The following RBMXL1 variants were observed in gnomAD, a reference collection of about 807,000 sequenced individuals.
RBMXL1 encodes RBMX like 1.
A neutral mutation model predicts 29.0 loss-of-function variants in RBMXL1; 18 were observed. That is an observed-to-expected ratio of 0.62 (90% CI 0.43 to 0.92). The LOEUF (loss-of-function observed/expected upper bound fraction) is 0.92, where lower values mean the gene tolerates loss of function less well. Ranked by LOEUF, RBMXL1 falls within the 40% of genes least tolerant of loss-of-function variation. RBMXL1 has a pLI of 0.00. For synonymous variants in RBMXL1, 141 were observed against 170.4 expected, an observed-to-expected ratio of 0.83 and a Z score of 1.34; for missense variants, 403 against 495.8, an observed-to-expected ratio of 0.81 and a Z score of 1.78.
intron 2 of RBMXL1, among the ~76,000 whole-genome samples, chr1:88,984,480 G>C (rs552819382): frequency 6.6e-6 from 1 of 152,312 alleles, no homozygotes; most frequent in African/African-American, 2.4e-5. Context: ...CCAGTGTTGG[G>C]ATTATAAGGG....
chr1:88,989,445 G>T (rs184181829), intron 1 of RBMXL1, among the ~76,000 whole-genome samples: 1 of 152,152 alleles, frequency 6.6e-6, no homozygotes, highest in East Asian at 1.9e-4. Context: ...TTCACAATAG[G>T]TGAATAAATT....
At position 88,980,772 on chromosome 1, in the gene RBMXL1, AAAGGTCCTCACAG is replaced by A. The variant is rs1217809795; in HGVS notation, c.*1869_*1881del. 1 of 152,184 alleles carries A rather than the reference AAAGGTCCTCACAG, an allele frequency of 6.6e-6. No individual in the cohort carries two copies. Among genetic ancestry groups the A allele is most frequent in the East Asian group, 1.9e-4 (1 of 5,200 alleles). 9.4% of individuals were successfully genotyped at this position (152,184 alleles called of 1,614,324 possible). On this transcript the variant is annotated 3_prime_UTR_variant, in exon 3 of 3. Transcript: ENST00000652648. Reference sequence around the variant, plus strand: ...AATATTTAGGATATCTTAAGAGCCAAAAGGTCCTCACAGAAGCTTTAACCCAAGTAATCATAAG... The same window carrying A: ...AATATTTAGGATATCTTAAGAGCCAAAAGCTTTAACCCAAGTAATCATAAG...
At chr1:88,988,612 T>TA (rs958097604) in intron 1 of RBMXL1, among the ~76,000 whole-genome samples, 1 of 152,140 alleles carries the variant, frequency 6.6e-6, no homozygotes, top group Non-Finnish European at 1.5e-5. Flanking sequence ...TATTCTTAAT[T>TA]AAAAAAATAA....
At position 88,980,857 on chromosome 1, in the gene RBMXL1, C is replaced by T. The variant is rs138132059; in HGVS notation, c.*1797G>A. On this transcript the variant is annotated 3_prime_UTR_variant, in exon 3 of 3. Transcript: ENST00000652648. ...GACAACTATGGAAGTGTAACAACCA[C>T]ATAAATTTGGTCATTACCCTTGTGG... is the stretch of plus-strand genomic sequence containing the variant. The T allele has an allele frequency of 1.4e-4, 22 of 152,292 alleles. No individual in the cohort carries two copies. The highest frequency in any genetic ancestry group is 5.1e-4 in the African/African-American group (21 of 41,548). 9.4% of individuals were successfully genotyped at this position (152,292 alleles called of 1,614,324 possible). A position where few individuals can be genotyped will look rare whatever the true frequency, so the allele number is the denominator to read the frequency against.
chr1:88,990,613 G>T (rs574154378), intron 1 of RBMXL1, among the ~76,000 whole-genome samples: 1 of 151,992 alleles, frequency 6.6e-6, no homozygotes, highest in South Asian at 2.1e-4. Flanking sequence ...CCCACAATCC[G>T]CCATTGAATG....
chr1:88,991,474 C>T (rs148354254), intron 1 of RBMXL1, among the ~76,000 whole-genome samples: 129 of 152,352 alleles, frequency 8.5e-4, no homozygotes, highest in Non-Finnish European at 1.6e-3. Context: ...ATTTTCCTTT[C>T]ACACTCTACC....
chr1:88,989,637 CTAA>C (rs1488830026), intron 1 of RBMXL1, among the ~76,000 whole-genome samples: 1 of 152,088 alleles, frequency 6.6e-6, no homozygotes, highest in Non-Finnish European at 1.5e-5. Context: ...AGGTAATGTG[CTAA>C]TAATAAAAGC....
chr1:88,992,362 G>T (rs964212392), intron 1 of RBMXL1, among the ~76,000 whole-genome samples: 5 of 152,248 alleles, frequency 3.3e-5, no homozygotes, highest in Admixed American at 3.3e-4. Context: ...CGCCAAGACG[G>T]TGACCCGGGT....
chr1:88,981,402 A>G lies in RBMXL1; in HGVS notation c.*1252T>C, dbSNP rs1261793023. The G allele has an allele frequency of 1.3e-5, 2 of 152,378 alleles. No individual in the cohort carries two copies. Among genetic ancestry groups the G allele is most frequent in the African/African-American group, 2.4e-5 (1 of 41,448 alleles). 9.4% of individuals were successfully genotyped at this position (152,378 alleles called of 1,614,324 possible). On this transcript the variant is annotated 3_prime_UTR_variant, in exon 3 of 3. Coordinates refer to ENST00000652648, the MANE Select transcript of RBMXL1 (RefSeq NM_001162536.3). ...ACAAAATGAAACCCAAAGCTGTAAA[A>G]TCTGTGTAAAGGACCACGAGAACCT...
intron 2 of RBMXL1, among the ~76,000 whole-genome samples, chr1:88,985,902 T>C (rs1677421941): frequency 6.6e-6 from 1 of 152,108 alleles, no homozygotes; most frequent in South Asian, 2.1e-4. Context: ...AGGGTTGGGC[T>C]GGACGCAGTG....
intron 1 of RBMXL1, among the ~76,000 whole-genome samples, chr1:88,991,374 A>C (rs1677785060): frequency 6.6e-6 from 1 of 152,246 alleles, no homozygotes; most frequent in South Asian, 2.1e-4. Context: ...GTTAACTGCA[A>C]GTTCAAGCAA....
rs1364904628 is a variant in RBMXL1 at position 88,992,625 on chromosome 1, C to CG, written c.-382dup. ...ACCTCGCCTCCCTAGGCTCGAGTCC[C>CG]GACTGGGCTTGAGGGCCCGGCTGGG... On this transcript the variant is annotated 5_prime_UTR_variant, in exon 1 of 3. Transcript: ENST00000652648. 4 of 152,724 alleles carry CG rather than the reference C, an allele frequency of 2.6e-5. No homozygotes were observed. Among genetic ancestry groups the CG allele is most frequent in the African/African-American group, 4.8e-5 (2 of 41,466 alleles). The allele number at this position is 152,724 out of a possible 1,614,324, so 9.5% of individuals were successfully genotyped here.
intron 1 of RBMXL1, among the ~76,000 whole-genome samples, chr1:88,989,794 C>G (rs371719513): frequency 6.6e-6 from 1 of 152,156 alleles, no homozygotes; most frequent in African/African-American, 2.4e-5. Context: ...CTTGAAATCT[C>G]AAAGCCTAAA....
intron 2 of RBMXL1, among the ~76,000 whole-genome samples, chr1:88,985,068 T>C (rs1190924172): frequency 2.0e-5 from 3 of 152,230 alleles, no homozygotes; most frequent in Admixed American, 1.3e-4. Flanking sequence ...GAAACAAGCT[T>C]ATTGGAAACA....
At chr1:88,987,243 T>G (rs1014539513) in intron 2 of RBMXL1, among the ~76,000 whole-genome samples, 4 of 152,186 alleles carry the variant, frequency 2.6e-5, no homozygotes, top group African/African-American at 9.7e-5. Flanking sequence ...GCCCTTTTAG[T>G]GCCATGGTTT....
At position 88,983,021 on chromosome 1, in the gene RBMXL1, T is replaced by A. The variant is rs1677186410; in HGVS notation, c.806A>T (p.Asp269Val). ...ACTTGGATGATCTGAATAGTCACGA[T>A]CACGACCATATCCATCTCTATCGCC... ...GYGDRDGYGR[D>V]RDYSDHPSGG... Residue 269 changes from aspartate to valine, a missense_variant, in exon 3 of 3, where the codon GAT (aspartate) becomes GTT (valine). Transcript: ENST00000652648. The A allele has an allele frequency of 1.9e-6, 3 of 1,612,952 alleles. No homozygotes were observed. The East Asian group carries it at 6.7e-5, about 36-fold the overall frequency.
intron 1 of RBMXL1, among the ~76,000 whole-genome samples, chr1:88,991,983 G>GTT (rs10638041): frequency 0.18 from 26,394 of 144,630 alleles, 3,545 homozygotes; most frequent in African/African-American, 0.36. Context: ...TATTCTTTTG[G>GTT]TTTTTTTTTT....
Position 88,983,789 on chromosome 1 carries a change from C to G in RBMXL1, c.38G>C (p.Gly13Ala). ...CTCATTTGTTTCCGTATTAAGCCCA[C>G]CAATGAAGAGCTTTCCTGGGCGATC... is the stretch of plus-strand genomic sequence containing the variant. ...EADRPGKLFI[G>A]GLNTETNEKA... Residue 13 changes from glycine (G) to alanine (A), a missense_variant, in exon 3 of 3, where the codon GGT becomes GCT. By Grantham distance (60) the Gly-to-Ala change is moderately conservative. Transcript: ENST00000652648. 6.2e-7 allele frequency: 1 copy of G among 1,613,984 alleles called. No individual in the cohort carries two copies. The highest frequency in any genetic ancestry group is 8.5e-7 in the Non-Finnish European group (1 of 1,179,884).
chr1:88,982,790 C>T lies in RBMXL1; in HGVS notation c.1037G>A (p.Arg346Lys). Residue 346 changes from arginine to lysine, a missense_variant, in exon 3 of 3, where the codon AGA becomes AAA. By Grantham distance (26) the Arg-to-Lys change is conservative (BLOSUM62 2). Coordinates refer to ENST00000652648, the MANE Select transcript of RBMXL1 (RefSeq NM_001162536.3). ...SSCDRVGRQE[R>K]GLPPSVERGY... ...CCTTTCTACAGAAGGGGGAAGCCCT[C>T]TTTCTTGTCTGCCAACCCTGTCACA... 1.2e-6 allele frequency: 2 copies of T among 1,613,946 alleles called. No homozygotes were observed. The highest frequency in any genetic ancestry group is 8.5e-7 in the Non-Finnish European group (1 of 1,179,868).
Sources: allele counts gnomAD v4.1 joint callset (sites outside exome capture counted in the v4.1 genomes callset), GRCh38; gene constraint gnomAD v4.1.1; transcripts MANE v1.5; gene names NCBI Gene and HGNC (gene_info 2026-07-23, HGNC 2026-07-21).